Variants in PTGFRN observed in about 807,000 individuals in gnomAD.
PTGFRN encodes prostaglandin F2 receptor negative regulator.
A neutral mutation model predicts 83.2 loss-of-function variants in PTGFRN; 35 were observed. The observed-to-expected ratio is 0.42, with a 90% CI of 0.32 to 0.56. The LOEUF is 0.56. Among genes scored for constraint, PTGFRN ranks in the 20% least tolerant of loss-of-function variants. The probability of loss-of-function intolerance (pLI) is 0.11; values close to 1 mark genes in which losing one functional copy is unlikely to be tolerated. For missense variants in PTGFRN, 1,051 were observed against 1,179.5 expected, an observed-to-expected ratio of 0.89 and a Z score of 1.60; for synonymous variants, 519 against 498.6, an observed-to-expected ratio of 1.04 and a Z score of -0.55.
At chr1:116,963,049 C>T (rs116582610) in intron 5 of PTGFRN, among the ~76,000 whole-genome samples, 2,889 of 152,292 alleles carry the variant, frequency 0.019, 95 homozygotes, top group African/African-American at 0.066. Context: ...TCCTTCCCCT[C>T]TCGGTTTGCA....
At chr1:116,978,071 AC>A (rs1651207956) in intron 7 of PTGFRN, among the ~76,000 whole-genome samples, 1 of 152,246 alleles carries the variant, frequency 6.6e-6, no homozygotes, top group South Asian at 2.1e-4. Flanking sequence ...AATACAAACT[AC>A]CATCAGAGAA....
intron 2 of PTGFRN, among the ~76,000 whole-genome samples, chr1:116,942,374 A>G (rs1466438138): frequency 6.6e-6 from 1 of 152,066 alleles, no homozygotes; most frequent in Non-Finnish European, 1.5e-5. Context: ...GGTGGTGGAG[A>G]GCTGGCTCTG....
Position 116,941,808 on chromosome 1 carries a change from A to G in PTGFRN, c.143A>G (p.Tyr48Cys), listed in dbSNP as rs916948746. ...ELVIPCNVSDYDGPSEQNFDW... is the reference protein window; with the variant it reads ...ELVIPCNVSDCDGPSEQNFDW... ...GTCATCCCCTGCAACGTCAGTGACT[A>G]TGATGGCCCCAGCGAGCAAAACTTT... is the stretch of plus-strand genomic sequence containing the variant. Residue 48 changes from tyrosine to cysteine, a missense_variant, in exon 2 of 9, where the codon TAT becomes TGT. Coordinates refer to ENST00000393203, the MANE Select transcript of PTGFRN (RefSeq NM_020440.4). The surrounding 1 kb of genome is among the most constrained non-coding windows in gnomAD (Gnocchi z 5.0). 3.1e-6 allele frequency: 5 copies of G among 1,614,038 alleles called. No homozygotes were observed. The highest frequency in any genetic ancestry group is 1.1e-5 in the South Asian group (1 of 91,080).
intron 1 of PTGFRN, among the ~76,000 whole-genome samples, chr1:116,939,961 A>G (rs1159456338): frequency 6.6e-6 from 1 of 152,108 alleles, no homozygotes; most frequent in Non-Finnish European, 1.5e-5. Context: ...CAAGTTCCTC[A>G]TCTCCATCTG....
rs1177383295 is a variant in PTGFRN at position 116,961,530 on chromosome 1, C to T, written c.1501C>T (p.Arg501Trp). 4.3e-6 allele frequency: 7 copies of T among 1,614,150 alleles called. No individual in the cohort carries two copies. Among genetic ancestry groups the T allele is most frequent in the Admixed American group, 1.7e-5 (1 of 60,024 alleles). The change falls in exon 5 of 9, where the codon CGG becomes TGG. Residue 501 changes from arginine to tryptophan, a missense_variant. Physicochemically the swap from Arg to Trp is moderately radical, Grantham distance 101. This residue lies in a region of PTGFRN where 719 missense variants were observed against 836.6 expected (regional missense o/e 0.86). Coordinates refer to ENST00000393203, the MANE Select transcript of PTGFRN (RefSeq NM_020440.4). The surrounding 1 kb of genome is among the most constrained non-coding windows in gnomAD (Gnocchi z 5.4). ...SKEHTDTFNFRIQRTTEEDRG... is the reference protein window; with the variant it reads ...SKEHTDTFNFWIQRTTEEDRG... ...GGAACATACAGACACGTTCAATTTC[C>T]GGATCCAAAGGACTACAGAGGAAGA...
chr1:116,944,935 G>A lies in PTGFRN; in HGVS notation c.675G>A (p.Val225=). ...GTGGGGACGTGCGCCTCGACACCGT[G>A]GGCAGCGACGCCTACCGCCTCTCAG... The part of the protein sequence containing the change: ...YHSGDVRLDT[V]GSDAYRLSVS... The change falls in exon 3 of 9, where the codon GTG becomes GTA. Residue 225 remains valine, a synonymous_variant. Transcript: ENST00000393203. 6.2e-7 allele frequency: 1 copy of A among 1,613,100 alleles called. No individual in the cohort carries two copies. Among genetic ancestry groups the A allele is most frequent in the Non-Finnish European group, 8.5e-7 (1 of 1,179,994 alleles).
chr1:116,964,836 C>T (rs1228167734), intron 5 of PTGFRN, among the ~76,000 whole-genome samples: 1 of 152,246 alleles, frequency 6.6e-6, no homozygotes, highest in East Asian at 1.9e-4. Flanking sequence ...TTAAAATTGA[C>T]TTAGAATCTG....
intron 1 of PTGFRN, among the ~76,000 whole-genome samples, chr1:116,920,857 C>G (rs1649518020): frequency 6.6e-6 from 1 of 152,170 alleles, no homozygotes. Flanking sequence ...CTCCTGGCCT[C>G]AAGTGATCCA....
At chr1:116,955,637 G>T (rs1225641672) in intron 4 of PTGFRN, among the ~76,000 whole-genome samples, 1 of 152,186 alleles carries the variant, frequency 6.6e-6, no homozygotes, top group Non-Finnish European at 1.5e-5. Context: ...ATGAGATCAA[G>T]CAGAATGTAG....
intron 5 of PTGFRN, among the ~76,000 whole-genome samples, chr1:116,965,485 A>C (rs962657466): frequency 6.6e-6 from 1 of 151,944 alleles, no homozygotes; most frequent in African/African-American, 2.4e-5. Context: ...GGGTTTTGCT[A>C]TGTTGTCCAG....
chr1:116,931,977 C>T (rs1261965676), intron 1 of PTGFRN, among the ~76,000 whole-genome samples: 1 of 152,204 alleles, frequency 6.6e-6, no homozygotes, highest in African/African-American at 2.4e-5. Context: ...GATTCAATAA[C>T]TGCTGATACT....
At chr1:116,933,283 G>C (rs1009489958) in intron 1 of PTGFRN, among the ~76,000 whole-genome samples, 1 of 151,168 alleles carries the variant, frequency 6.6e-6, no homozygotes, top group African/African-American at 2.4e-5. Flanking sequence ...CATTTTTGTG[G>C]TTACTCTAGA....
intron 6 of PTGFRN, among the ~76,000 whole-genome samples, chr1:116,969,467 T>A (rs1650932910): frequency 6.6e-6 from 1 of 152,222 alleles, no homozygotes; most frequent in Non-Finnish European, 1.5e-5. Flanking sequence ...AGATTTCTCT[T>A]CTTATACCAA....
At chr1:116,917,702 TC>T (rs1189268343) in intron 1 of PTGFRN, among the ~76,000 whole-genome samples, 1 of 152,152 alleles carries the variant, frequency 6.6e-6, no homozygotes, top group African/African-American at 2.4e-5. Context: ...CAATCACGGC[TC>T]ATTGCAGCAT....
In PTGFRN at chr1:116,910,147, G is replaced by A. The variant is rs1316786414; in HGVS notation, c.-57G>A. On this transcript the variant is annotated 5_prime_UTR_variant, in exon 1 of 9. Transcript: ENST00000393203. ...AGCAGCCGGAGCTGGAAGAGGAGGA[G>A]GAGGAGAGGCGGCGGGGAAGGAGGA... 3 of 1,504,688 alleles carry A rather than the reference G, an allele frequency of 2.0e-6. No homozygotes were observed. In the Admixed American group the frequency reaches 6.0e-5, roughly 30 times the overall value. The allele number at this position is 1,504,688 out of a possible 1,614,324, so 93.2% of individuals were successfully genotyped here. A position where few individuals can be genotyped will look rare whatever the true frequency, so the allele number is the denominator to read the frequency against.
chr1:116,967,443 A>G (rs1650873893), intron 6 of PTGFRN, 113 bp downstream of exon 6: 1 of 1,077,478 alleles, frequency 9.3e-7, no homozygotes, highest in Non-Finnish European at 1.3e-6. Context: ...CATATGCCAT[A>G]CAATGTACCT....
At position 116,961,852 on chromosome 1, in the gene PTGFRN, C is replaced by T. The variant is rs888620049; in HGVS notation, c.1639+184C>T. On this transcript the variant is annotated intron_variant, in intron 5 of 8. Coordinates refer to ENST00000393203, the MANE Select transcript of PTGFRN (RefSeq NM_020440.4). The surrounding 1 kb of genome is among the most constrained non-coding windows in gnomAD (Gnocchi z 5.4). Reference sequence around the variant, plus strand: ...ACTCACTATCACCCCTCCTCTGTCCCCAAGCCCCAGAGAGGTCCCTCTCCA... The same window carrying T: ...ACTCACTATCACCCCTCCTCTGTCCTCAAGCCCCAGAGAGGTCCCTCTCCA... Among the ~76,000 whole-genome samples the T allele has an allele frequency of 6.6e-6, 1 of 152,166 alleles. No homozygotes were observed. The highest frequency in any genetic ancestry group is 2.4e-5 in the African/African-American group (1 of 41,440).
intron 1 of PTGFRN, among the ~76,000 whole-genome samples, chr1:116,920,422 G>A (rs1649508919): frequency 6.6e-6 from 1 of 152,204 alleles, no homozygotes; most frequent in South Asian, 2.1e-4. Flanking sequence ...AGCTGGGGCT[G>A]ACTAATCAAG....
chr1:116,939,748 C>T (rs2101062219), intron 1 of PTGFRN, among the ~76,000 whole-genome samples: 1 of 152,306 alleles, frequency 6.6e-6, no homozygotes, highest in South Asian at 2.1e-4. Flanking sequence ...AACTTTTATG[C>T]TCTGCTTCCC....
Sources: gnomAD v4.1 joint callset for allele counts (sites outside exome capture counted in the v4.1 genomes callset) on GRCh38, gnomAD v4.1.1 for gene constraint, gnomAD v4.1.1 regional missense constraint, Gnocchi (gnomAD v3.1) non-coding constraint, MANE v1.5 for transcripts, NCBI Gene and HGNC (gene_info 2026-07-23, HGNC 2026-07-21) for gene names.